The following LSAMP variants were observed in gnomAD, a reference collection of about 807,000 sequenced individuals.
The protein encoded by LSAMP is limbic system associated membrane protein, also known as limbic system-associated membrane protein.
In LSAMP, 7 loss-of-function variants were observed where a neutral mutation model predicts 38.6. The ratio of observed to expected loss-of-function variants is 0.18; its 90% CI spans 0.10 to 0.34. The LOEUF is 0.34. Ranked by LOEUF, LSAMP falls within the 10% of genes least tolerant of loss-of-function variation. The pLI, the probability that LSAMP is intolerant of heterozygous loss-of-function variation, is 1.00. For missense variants in LSAMP, 313 were observed against 420.0 expected (o/e 0.75, Z 2.23); for synonymous variants, 154 against 166.8 (o/e 0.92, Z 0.59).
chr3:116,276,865 G>C (rs1404200534), intron 1 of LSAMP, among the ~76,000 whole-genome samples: 1 of 152,120 alleles, frequency 6.6e-6, no homozygotes, highest in Non-Finnish European at 1.5e-5. Flanking sequence ...GGCAGTGACC[G>C]TTACTGAATG....
chr3:116,167,012 T>A (rs28705767), intron 1 of LSAMP, among the ~76,000 whole-genome samples: 1 of 151,896 alleles, frequency 6.6e-6, no homozygotes, highest in South Asian at 2.1e-4. Context: ...AGGATGGTCT[T>A]GATCTCCTGA....
At chr3:115,942,433 T>C (rs1937954636) in intron 3 of LSAMP, among the ~76,000 whole-genome samples, 1 of 152,136 alleles carries the variant, frequency 6.6e-6, no homozygotes, top group African/African-American at 2.4e-5. Context: ...ACTGGGTCAG[T>C]TTCTCCTCTC....
chr3:116,401,488 C>T (rs190779318), intron 1 of LSAMP, among the ~76,000 whole-genome samples: 479 of 152,234 alleles, frequency 3.1e-3, no homozygotes, highest in Non-Finnish European at 4.6e-3. Flanking sequence ...CACCATGTTG[C>T]CCAGACTGGT....
At chr3:115,813,950 A>G (rs568254990) in intron 6 of LSAMP, among the ~76,000 whole-genome samples, 2 of 152,234 alleles carry the variant, frequency 1.3e-5, no homozygotes, top group Non-Finnish European at 2.9e-5. Flanking sequence ...TTAAGAATAG[A>G]TGGGCAAATA....
At chr3:116,349,386 T>A (rs1376845604) in intron 1 of LSAMP, among the ~76,000 whole-genome samples, 1 of 151,876 alleles carries the variant, frequency 6.6e-6, no homozygotes, top group Non-Finnish European at 1.5e-5. Flanking sequence ...CTTGCTGGAT[T>A]TTTTTAATAT....
intron 1 of LSAMP, among the ~76,000 whole-genome samples, chr3:116,400,444 TTCC>T (rs1183577313): frequency 7.6e-6 from 1 of 131,930 alleles, no homozygotes; most frequent in Non-Finnish European, 1.6e-5. Context: ...CCCTCCTTCC[TTCC>T]TTCCTTCCTT....
chr3:116,189,038 A>C (rs72961575), intron 1 of LSAMP, among the ~76,000 whole-genome samples: 3,188 of 152,290 alleles, frequency 0.021, 110 homozygotes, highest in African/African-American at 0.071. Context: ...CACGATAATA[A>C]AGACCAACTA....
intron 3 of LSAMP, among the ~76,000 whole-genome samples, chr3:115,916,088 G>C (rs867376780): frequency 3.9e-5 from 6 of 152,150 alleles, no homozygotes; most frequent in African/African-American, 1.4e-4. Flanking sequence ...CTGAAATGTG[G>C]AATATTAAAG....
chr3:116,059,601 C>A (rs1430870932), intron 2 of LSAMP, among the ~76,000 whole-genome samples: 1 of 152,162 alleles, frequency 6.6e-6, no homozygotes, highest in African/African-American at 2.4e-5. Flanking sequence ...GGGGCTGAGT[C>A]TTTTTCAGCA....
chr3:115,915,969 C>T (rs966156411), intron 3 of LSAMP, among the ~76,000 whole-genome samples: 1 of 152,080 alleles, frequency 6.6e-6, no homozygotes, highest in African/African-American at 2.4e-5. Context: ...CAGTGCTTAA[C>T]ATATAAGTTA....
intron 1 of LSAMP, among the ~76,000 whole-genome samples, chr3:116,194,191 T>C (rs1301040078): frequency 1.3e-5 from 2 of 151,882 alleles, no homozygotes; most frequent in Non-Finnish European, 2.9e-5. Context: ...TGTAAACTAG[T>C]ATATAGGAAG....
At chr3:116,013,232 A>T (rs1229583438) in intron 3 of LSAMP, among the ~76,000 whole-genome samples, 1 of 152,202 alleles carries the variant, frequency 6.6e-6, no homozygotes, top group African/African-American at 2.4e-5. Flanking sequence ...CCAGCACGTT[A>T]GGTTGTGCAG....
chr3:116,079,921 C>T (rs1440501007), intron 2 of LSAMP, among the ~76,000 whole-genome samples: 2 of 151,916 alleles, frequency 1.3e-5, no homozygotes, highest in African/African-American at 2.4e-5. Flanking sequence ...GTGTAGAAAA[C>T]ACAAATGCTA....
At chr3:116,286,463 A>G (rs1444280894) in intron 1 of LSAMP, among the ~76,000 whole-genome samples, 2 of 152,218 alleles carry the variant, frequency 1.3e-5, no homozygotes, top group African/African-American at 4.8e-5. Context: ...ATTAAAAATG[A>G]TGGAAAGGCA....
intron 1 of LSAMP, among the ~76,000 whole-genome samples, chr3:116,382,793 A>G (rs894998403): frequency 6.6e-6 from 1 of 152,116 alleles, no homozygotes; most frequent in African/African-American, 2.4e-5. Flanking sequence ...TTTGTCTATT[A>G]TGGGAGTAAA....
intron 1 of LSAMP, among the ~76,000 whole-genome samples, chr3:116,097,812 T>A (rs1708257569): frequency 6.6e-6 from 1 of 152,006 alleles, no homozygotes; most frequent in African/African-American, 2.4e-5. Context: ...CTCAGCCCAC[T>A]GCAACCTCGG....
At chr3:116,071,524 T>C (rs765240946) in intron 2 of LSAMP, among the ~76,000 whole-genome samples, 1 of 152,198 alleles carries the variant, frequency 6.6e-6, no homozygotes, top group Non-Finnish European at 1.5e-5. Context: ...ACATATGATA[T>C]ATTGACCATT....
At chr3:116,393,959 G>A (rs763085874) in intron 1 of LSAMP, among the ~76,000 whole-genome samples, 1 of 152,184 alleles carries the variant, frequency 6.6e-6, no homozygotes, top group Non-Finnish European at 1.5e-5. Context: ...TTGAAGTACT[G>A]TTTTATGAAT....
intron 3 of LSAMP, among the ~76,000 whole-genome samples, chr3:115,924,262 G>C (rs1263054451): frequency 1.3e-5 from 2 of 151,998 alleles, no homozygotes; most frequent in African/African-American, 4.8e-5. Flanking sequence ...ATTACCTTAG[G>C]CCTCTTCCAT....
Sources: allele counts gnomAD v4.1 joint callset (sites outside exome capture counted in the v4.1 genomes callset), GRCh38; gene constraint gnomAD v4.1.1; transcripts MANE v1.5; gene names NCBI Gene and HGNC (gene_info 2026-07-23, HGNC 2026-07-21).